Variants in NSUN6 observed in about 807,000 individuals in gnomAD.
NSUN6 encodes NOP2/Sun RNA methyltransferase 6.
In NSUN6, 64 loss-of-function variants were observed where a neutral mutation model predicts 58.0. The observed-to-expected ratio is 1.10, with a 90% CI of 0.90 to 1.36. The LOEUF (loss-of-function observed/expected upper bound fraction) is 1.36, where lower values mean the gene tolerates loss of function less well. Ranked by LOEUF, NSUN6 falls within the 40% of genes most tolerant of loss-of-function variation. The pLI, the probability that NSUN6 is intolerant of heterozygous loss-of-function variation, is 0.00. For synonymous variants in NSUN6, 231 were observed against 193.9 expected, an observed-to-expected ratio of 1.19 and a Z score of -1.59; for missense variants, 701 against 550.1, an observed-to-expected ratio of 1.27 and a Z score of -2.74.
intron 8 of NSUN6, among the ~76,000 whole-genome samples, chr10:18,563,091 G>A (rs1412301928): frequency 1.3e-5 from 2 of 150,700 alleles, no homozygotes; most frequent in African/African-American, 4.9e-5. Context: ...ATGCAGAATG[G>A]AATGGAATGG....
intron 2 of NSUN6, among the ~76,000 whole-genome samples, chr10:18,644,403 T>C (rs2059478051): frequency 6.6e-6 from 1 of 152,232 alleles, no homozygotes; most frequent in African/African-American, 2.4e-5. Flanking sequence ...TATTGTGTTT[T>C]TGTTGTTGTT....
intron 6 of NSUN6, among the ~76,000 whole-genome samples, chr10:18,604,866 A>G (rs2057988029): frequency 6.7e-6 from 1 of 149,992 alleles, no homozygotes; most frequent in Non-Finnish European, 1.5e-5. Flanking sequence ...AGCCTGGGTG[A>G]CAGAGCAAGA....
chr10:18,594,239 A>C (rs1382608154), intron 7 of NSUN6, among the ~76,000 whole-genome samples: 1 of 151,594 alleles, frequency 6.6e-6, no homozygotes, highest in South Asian at 2.1e-4. Context: ...TGACATTCAT[A>C]TATTTTAAAA....
At chr10:18,596,184 G>A in intron 7 of NSUN6, 24 bp downstream of exon 7, 2 of 1,592,560 alleles carry the variant, frequency 1.3e-6, no homozygotes, top group Non-Finnish European at 1.7e-6. Context: ...TTTGAGAGTG[G>A]ATTTGCTGTG....
chr10:18,637,835 T>C (rs912869540), intron 3 of NSUN6, among the ~76,000 whole-genome samples: 5 of 152,258 alleles, frequency 3.3e-5, no homozygotes, highest in African/African-American at 1.2e-4. Context: ...ATCCATTATA[T>C]ATTTTTAAGT....
intron 3 of NSUN6, among the ~76,000 whole-genome samples, chr10:18,641,519 C>T (rs2059390499): frequency 1.3e-5 from 2 of 151,888 alleles, no homozygotes; most frequent in East Asian, 3.9e-4. Flanking sequence ...GTAAGCACCA[C>T]CATACCCAGC....
chr10:18,546,810 T>G (rs1377818421), intron 10 of NSUN6, among the ~76,000 whole-genome samples: 2 of 151,508 alleles, frequency 1.3e-5, no homozygotes, highest in African/African-American at 4.9e-5. Flanking sequence ...AGACAGAGGT[T>G]GCAGAGAGCC....
intron 3 of NSUN6, among the ~76,000 whole-genome samples, chr10:18,619,682 T>A (rs1459371123): frequency 6.6e-6 from 1 of 152,174 alleles, no homozygotes; most frequent in Non-Finnish European, 1.5e-5. Context: ...GTTATCTAAT[T>A]CACCATACAT....
At chr10:18,611,671 A>T (rs541620417) in intron 5 of NSUN6, among the ~76,000 whole-genome samples, 1 of 152,132 alleles carries the variant, frequency 6.6e-6, no homozygotes, top group Admixed American at 6.5e-5. Flanking sequence ...CTGCGACTAC[A>T]GGCACACACC....
chr10:18,605,357 T>C (rs1343890224), intron 6 of NSUN6, among the ~76,000 whole-genome samples: 2 of 143,240 alleles, frequency 1.4e-5, no homozygotes, highest in African/African-American at 5.1e-5. Context: ...TTTGTGAGTA[T>C]ACGCTGTTAA....
At chr10:18,560,555 T>C (rs1267119070) in intron 8 of NSUN6, among the ~76,000 whole-genome samples, 1 of 145,340 alleles carries the variant, frequency 6.9e-6, no homozygotes, top group African/African-American at 2.6e-5. Flanking sequence ...TGGAATGCAG[T>C]GGTGAATAGA....
At chr10:18,626,555 A>T (rs2058813772) in intron 3 of NSUN6, among the ~76,000 whole-genome samples, 1 of 152,120 alleles carries the variant, frequency 6.6e-6, no homozygotes, top group Non-Finnish European at 1.5e-5. Flanking sequence ...ATTACCTGAG[A>T]TCAGGAATTC....
At position 18,586,057 on chromosome 10, in the gene NSUN6, C is replaced by G. The variant is rs1466060064; in HGVS notation, c.814G>C (p.Val272Leu). 3 of 1,608,600 alleles carry G rather than the reference C, an allele frequency of 1.9e-6. No individual in the cohort carries two copies. Among genetic ancestry groups the G allele is most frequent in the Non-Finnish European group, 2.5e-6 (3 of 1,177,774 alleles). Residue 272 changes from valine (V) to leucine (L), a missense_variant, in exon 8 of 11, where the codon GTA becomes CTA. Physicochemically the swap from Val to Leu is conservative, Grantham distance 32 (BLOSUM62 1). Transcript: ENST00000377304. ...AAGGCATTCTGTTTGATTTTTTCTA[C>G]TTTGTTGAAGATTTTATCCAGTGCT... The part of the protein sequence containing the change: ...VIALDKIFNK[V>L]EKIKQNALLL...
Position 18,595,247 on chromosome 10 carries a change from C to T in NSUN6, c.777+961G>A, listed in dbSNP as rs866132333. 2.1e-4 allele frequency among the ~76,000 whole-genome samples: 32 copies of T among 152,230 alleles called. No homozygotes were observed. In the Middle Eastern group the frequency reaches 0.01, roughly 49 times the overall value. On this transcript the variant is annotated intron_variant, in intron 7 of 10. Coordinates refer to ENST00000377304, the MANE Select transcript of NSUN6 (RefSeq NM_182543.5). ...GCCCCCAAAATGTTTAGTTGTATGCCGCCAAAATTTTGTGTCTTCACACAT... is the reference window on the plus strand; with the variant it reads ...GCCCCCAAAATGTTTAGTTGTATGCTGCCAAAATTTTGTGTCTTCACACAT...
rs117567694 is a variant in NSUN6, at chr10:18,643,673, T to A, written c.232-1118A>T. Among the ~76,000 whole-genome samples the A allele has an allele frequency of 3.8e-3, 575 of 151,606 alleles. 8 individuals are homozygous for A. The highest frequency in any genetic ancestry group is 5.3e-3 in the Non-Finnish European group (361 of 67,552). ...ATAAATTCCACCTCAATCAATCAAA[T>A]CCTTCTTCCTTTCTCTTTCCCTCCC... On this transcript the variant is annotated intron_variant, in intron 2 of 10. Coordinates refer to ENST00000377304, the MANE Select transcript of NSUN6 (RefSeq NM_182543.5).
intron 3 of NSUN6, among the ~76,000 whole-genome samples, chr10:18,633,159 A>G (rs1296020926): frequency 2.0e-5 from 3 of 151,954 alleles, no homozygotes; most frequent in Non-Finnish European, 4.4e-5. Context: ...GGCAAGAACA[A>G]AAAACCAAAC....
At chr10:18,626,653 A>G (rs546236792) in intron 3 of NSUN6, among the ~76,000 whole-genome samples, 30 of 152,304 alleles carry the variant, frequency 2.0e-4, no homozygotes, top group African/African-American at 7.2e-4. Flanking sequence ...CTGTAATTCC[A>G]TATACTCAGG....
At chr10:18,657,448 A>G (rs1285790573), upstream of NSUN6, among the ~76,000 whole-genome samples, 1 of 152,172 alleles carries the variant, frequency 6.6e-6, no homozygotes, top group African/African-American at 2.4e-5. Context: ...AATTTCAAAG[A>G]AACAAAACCA....
intron 3 of NSUN6, 30 bp from the exon 4 acceptor site, chr10:18,616,323 A>G: frequency 1.5e-6 from 2 of 1,339,994 alleles, no homozygotes; most frequent in South Asian, 1.2e-5. Context: ...GAAGTTTAAT[A>G]GTAACATACC....
Sources: gnomAD v4.1 joint callset for allele counts (sites outside exome capture counted in the v4.1 genomes callset) on GRCh38, gnomAD v4.1.1 for gene constraint, MANE v1.5 for transcripts, NCBI Gene and HGNC (gene_info 2026-07-23, HGNC 2026-07-21) for gene names.